CREBZF: variants seen among roughly 807,000 people sequenced by gnomAD.
CREBZF encodes the protein HCF-binding transcription factor Zhangfei.
Under a neutral mutation model 21.1 loss-of-function variants are expected in CREBZF, and 8 were observed. The ratio of observed to expected loss-of-function variants is 0.38; its 90% CI spans 0.22 to 0.68. The LOEUF (loss-of-function observed/expected upper bound fraction) is 0.68. CREBZF is among the 30% of genes least tolerant of loss of function. CREBZF has a pLI of 0.51. For synonymous variants in CREBZF, 270 were observed against 223.3 expected, an observed-to-expected ratio of 1.21 and a Z score of -1.86; for missense variants, 518 against 484.3, an observed-to-expected ratio of 1.07 and a Z score of -0.65.
rs1450738744 is a variant in CREBZF, at chr11:85,664,757, G to A, written c.119C>T (p.Ala40Val). Reference sequence around the variant, plus strand: ...GGCCGCCGCCGTCTCCTCCTCCCCCGCTGCAGCCCGGGTCAGGTCAGAGGG... The same window carrying A: ...GGCCGCCGCCGTCTCCTCCTCCCCCACTGCAGCCCGGGTCAGGTCAGAGGG... Reference protein sequence around the residue: ...SLPSDLTRAAAGEEETAAAGS... With the variant: ...SLPSDLTRAAVGEEETAAAGS... The change falls in exon 1 of 1, where the codon GCG (alanine) becomes GTG (valine). Residue 40 changes from alanine to valine, a missense_variant. By Grantham distance (64) the Ala-to-Val change is moderately conservative (BLOSUM62 0). Coordinates refer to ENST00000527447, the MANE Select transcript of CREBZF (RefSeq NM_001039618.4). The surrounding 1 kb of genome is among the most constrained non-coding windows in gnomAD (Gnocchi z 5.5). 2 of 1,607,976 alleles carry A rather than the reference G, an allele frequency of 1.2e-6. No homozygotes were observed. The highest frequency in any genetic ancestry group is 2.2e-5 in the East Asian group (1 of 44,840).
chr11:85,670,271 C>T (rs1294436031), intron 1 of CREBZF, among the ~76,000 whole-genome samples: 3 of 41,930 alleles, frequency 7.2e-5, no homozygotes, highest in Admixed American at 7.6e-4. Context: ...ACACTTTAAT[C>T]CCCCCCCCCC....
chr11:85,668,731 G>A (rs963295656), upstream of CREBZF, among the ~76,000 whole-genome samples: 3 of 151,852 alleles, frequency 2.0e-5, no homozygotes, highest in Admixed American at 6.6e-5. Flanking sequence ...GGCCGGGCGC[G>A]GTGGCTCACG....
chr11:85,672,477 T>A (rs184134583), intron 1 of CREBZF, among the ~76,000 whole-genome samples: 1 of 152,356 alleles, frequency 6.6e-6, no homozygotes, highest in East Asian at 1.9e-4. Flanking sequence ...AGGCTGCAAA[T>A]TTTCCAAACT....
rs1443284290 is a variant in CREBZF at position 85,660,648 on chromosome 11, A to T, written c.*3163T>A. ...TAATTTAGTGATTATAAAATGCACA[A>T]ATATTTAAAATATTTTGAACACTTC... On this transcript the variant is annotated 3_prime_UTR_variant, in exon 1 of 1. Transcript: ENST00000527447. 4.4e-6 allele frequency: 2 copies of T among 450,786 alleles called. No homozygotes were observed. The highest frequency in any genetic ancestry group is 8.9e-6 in the Non-Finnish European group (2 of 225,198). 27.9% of individuals were successfully genotyped at this position (450,786 alleles called of 1,614,324 possible). A position where few individuals can be genotyped will look rare whatever the true frequency, so the allele number is the denominator to read the frequency against.
At chr11:85,671,021 G>C (rs570438661) in intron 1 of CREBZF, among the ~76,000 whole-genome samples, 18 of 152,306 alleles carry the variant, frequency 1.2e-4, no homozygotes, top group Admixed American at 3.3e-4. Flanking sequence ...ATGTGTATTA[G>C]TCCATTCTCA....
rs1050250947 is a variant in CREBZF, at chr11:85,659,664, T to G, written c.*4147A>C. On this transcript the variant is annotated 3_prime_UTR_variant, in exon 1 of 1. Transcript: ENST00000527447. ...ACTCAATCTAAACCACGTGAAGGAATGTATTAACATAATCCAACAAAAATG... is the reference window on the plus strand; with the variant it reads ...ACTCAATCTAAACCACGTGAAGGAAGGTATTAACATAATCCAACAAAAATG... 3 of 152,092 alleles carry G rather than the reference T, an allele frequency of 2.0e-5. No individual in the cohort carries two copies. Among genetic ancestry groups the G allele is most frequent in the Admixed American group, 2.0e-4 (3 of 15,268 alleles). 9.4% of individuals were successfully genotyped at this position (152,092 alleles called of 1,614,324 possible).
upstream of CREBZF, among the ~76,000 whole-genome samples, chr11:85,666,171 G>C (rs1010656312): frequency 6.6e-5 from 10 of 152,064 alleles, no homozygotes; most frequent in African/African-American, 2.2e-4. Flanking sequence ...TTTTATTTTA[G>C]AGACCTTTTC....
At chr11:85,666,112 A>T (rs1052753842), upstream of CREBZF, among the ~76,000 whole-genome samples, 1 of 152,202 alleles carries the variant, frequency 6.6e-6, no homozygotes, top group Non-Finnish European at 1.5e-5. Flanking sequence ...CACATAGTTT[A>T]CTATGGCATG....
intron 1 of CREBZF, among the ~76,000 whole-genome samples, chr11:85,675,548 T>C (rs1165753361): frequency 6.6e-6 from 1 of 152,000 alleles, no homozygotes; most frequent in African/African-American, 2.4e-5. Flanking sequence ...AGATCAATGA[T>C]CACAGATCAC....
In CREBZF at chr11:85,662,605, C is replaced by T; in HGVS notation, c.*1206G>A. On this transcript the variant is annotated 3_prime_UTR_variant, in exon 1 of 1. Transcript: ENST00000527447. ...GGTTAATAGATTCAAGGGAATAAAT[C>T]CCACCTTAGGAAAATAGTACCAATC... 2.0e-6 allele frequency: 1 copy of T among 506,980 alleles called. No homozygotes were observed. The allele number at this position is 506,980 out of a possible 1,614,324, so 31.4% of individuals were successfully genotyped here.
At chr11:85,677,814 C>G (rs1209821005) in intron 1 of CREBZF, among the ~76,000 whole-genome samples, 1 of 152,174 alleles carries the variant, frequency 6.6e-6, no homozygotes, top group Non-Finnish European at 1.5e-5. Context: ...TAACCTCTCT[C>G]CTAATGGTTT....
chr11:85,662,264 A>AT lies in CREBZF; in HGVS notation c.*1546dup. The AT allele has an allele frequency of 1.7e-6, 1 of 597,640 alleles. No individual in the cohort carries two copies. Among genetic ancestry groups the AT allele is most frequent in the South Asian group, 2.1e-5 (1 of 47,250 alleles). The allele number at this position is 597,640 out of a possible 1,614,324, so 37.0% of individuals were successfully genotyped here. ...TCATAACCAAATAACAAAATAAAACATTTTATGTGTAAGATAACTTACATC... is the reference window on the plus strand; with the variant it reads ...TCATAACCAAATAACAAAATAAAACATTTTTATGTGTAAGATAACTTACATC... On this transcript the variant is annotated 3_prime_UTR_variant, in exon 1 of 1. Coordinates refer to ENST00000527447, the MANE Select transcript of CREBZF (RefSeq NM_001039618.4).
In CREBZF at chr11:85,663,423, GAA is replaced by G. The variant is rs71274435; in HGVS notation, c.*386_*387del. 2.0e-3 allele frequency: 1,133 copies of G among 578,946 alleles called. No individual in the cohort carries two copies. The highest frequency in any genetic ancestry group is 2.1e-3 in the Non-Finnish European group (697 of 327,762). The allele number at this position is 578,946 out of a possible 1,614,324, so 35.9% of individuals were successfully genotyped here. A position where few individuals can be genotyped will look rare whatever the true frequency, so the allele number is the denominator to read the frequency against. On this transcript the variant is annotated 3_prime_UTR_variant, in exon 1 of 1. Coordinates refer to ENST00000527447, the MANE Select transcript of CREBZF (RefSeq NM_001039618.4). ...GATTTCCCTCCCACCTTCCAAAACA[GAA>G]AAAAAAAAAAAAATCACACACACAC...
At position 85,676,589 on chromosome 11, in the gene CREBZF, G is replaced by A. The variant is rs572461692; in HGVS notation, n.147+6128C>T. On this transcript the variant is annotated intron_variant and non_coding_transcript_variant, in intron 1 of 3. Transcript: ENST00000531515. ...TTAAATAAATCCTAGACATCATGTCGTTTCATCCCTATACATGGCAGTGTA... is the reference window on the plus strand; with the variant it reads ...TTAAATAAATCCTAGACATCATGTCATTTCATCCCTATACATGGCAGTGTA... 3.3e-5 allele frequency among the ~76,000 whole-genome samples: 5 copies of A among 151,852 alleles called. No individual in the cohort carries two copies. The South Asian group carries it at 6.2e-4, about 19-fold the overall frequency.
In CREBZF at chr11:85,664,090, C is replaced by G; in HGVS notation, c.786G>C (p.Glu262Asp). 1 of 1,613,672 alleles carries G rather than the reference C, an allele frequency of 6.2e-7. No homozygotes were observed. Among genetic ancestry groups the G allele is most frequent in the Non-Finnish European group, 8.5e-7 (1 of 1,180,042 alleles). Residue 262 changes from glutamate (E) to aspartate (D), a missense_variant, in exon 1 of 1, where the codon GAG becomes GAC. Around this residue, in one of 3 missense-constraint regions of CREBZF, gnomAD observed 114 missense variants for 134.1 expected, o/e 0.85. Coordinates refer to ENST00000527447, the MANE Select transcript of CREBZF (RefSeq NM_001039618.4). The surrounding 1 kb of genome is among the most constrained non-coding windows in gnomAD (Gnocchi z 5.5). ...ELGKRVQALQ[E>D]ESRYLRAVLA... The stretch of plus-strand genomic sequence containing the variant: ...AGACTGCCCGTAGGTAGCGACTCTC[C>G]TCCTGCAGTGCCTGTACGCGTTTGC...
rs1329517731 is a variant in CREBZF, at chr11:85,664,116, C to G, written c.760G>C (p.Gly254Arg). The change falls in exon 1 of 1, where the codon GGC becomes CGC. Residue 254 changes from glycine (G) to arginine (R), a missense_variant. Gly to Arg is a moderately radical substitution (Grantham distance 125). Coordinates refer to ENST00000527447, the MANE Select transcript of CREBZF (RefSeq NM_001039618.4). This position sits in a 1 kb window ranked among gnomAD's most constrained non-coding sequence, Gnocchi z 5.5. ...TCCTGCAGTGCCTGTACGCGTTTGC[C>G]CAGCTCCCGATTCTCGGCCCGCAGC... ...QELRAENREL[G>R]KRVQALQEES... is the part of the protein sequence containing the mutation. The G allele has an allele frequency of 1.2e-6, 2 of 1,613,634 alleles. No homozygotes were observed. The highest frequency in any genetic ancestry group is 4.5e-5 in the East Asian group (2 of 44,878).
chr11:85,663,442 C>G lies in CREBZF; in HGVS notation c.*369G>C, dbSNP rs2082745379. 1.9e-5 allele frequency: 13 copies of G among 693,422 alleles called. 1 individual carries two copies. The South Asian group carries it at 2.0e-4, about 11-fold the overall frequency. The allele number at this position is 693,422 out of a possible 1,614,324, so 43.0% of individuals were successfully genotyped here. A position where few individuals can be genotyped will look rare whatever the true frequency, so the allele number is the denominator to read the frequency against. ...AAAACAGAAAAAAAAAAAAAAATCACACACACACAAACTGAGATGTTGCCC... is the reference window on the plus strand; with the variant it reads ...AAAACAGAAAAAAAAAAAAAAATCAGACACACACAAACTGAGATGTTGCCC... On this transcript the variant is annotated 3_prime_UTR_variant, in exon 1 of 1. Coordinates refer to ENST00000527447, the MANE Select transcript of CREBZF (RefSeq NM_001039618.4).
intron 1 of CREBZF, among the ~76,000 whole-genome samples, chr11:85,675,352 A>T (rs1309179290): frequency 6.6e-6 from 1 of 152,178 alleles, no homozygotes; most frequent in African/African-American, 2.4e-5. Context: ...CCATTGTAGG[A>T]TTATTAATTG....
In CREBZF at chr11:85,662,491, C is replaced by G. The variant is rs1156980100; in HGVS notation, c.*1320G>C. ...CAAAGAAAAACAAGGATGCTAAATACGTATATACTTTATCAAGCAGTGATG... is the reference window on the plus strand; with the variant it reads ...CAAAGAAAAACAAGGATGCTAAATAGGTATATACTTTATCAAGCAGTGATG... On this transcript the variant is annotated 3_prime_UTR_variant, in exon 1 of 1. Coordinates refer to ENST00000527447, the MANE Select transcript of CREBZF (RefSeq NM_001039618.4). 3 of 708,538 alleles carry G rather than the reference C, an allele frequency of 4.2e-6. No individual in the cohort carries two copies. Among genetic ancestry groups the G allele is most frequent in the Non-Finnish European group, 7.9e-6 (3 of 380,590 alleles). 43.9% of individuals were successfully genotyped at this position (708,538 alleles called of 1,614,324 possible).
Sources: allele counts gnomAD v4.1 joint callset (sites outside exome capture counted in the v4.1 genomes callset), GRCh38; gene constraint gnomAD v4.1.1; regional missense constraint gnomAD v4.1.1; non-coding constraint Gnocchi (gnomAD v3.1); transcripts MANE v1.5; gene names NCBI Gene and HGNC (gene_info 2026-07-23, HGNC 2026-07-21).